The following MINDY4 variants were observed in gnomAD, a reference collection of about 807,000 sequenced individuals.
MINDY4 encodes MINDY lysine 48 deubiquitinase 4.
A neutral mutation model predicts 87.0 loss-of-function variants in MINDY4; 68 were observed. The ratio of observed to expected loss-of-function variants is 0.78; its 90% CI spans 0.64 to 0.96. MINDY4 has a LOEUF of 0.96. MINDY4 is among the 40% of genes least tolerant of loss of function. MINDY4 has a pLI of 0.00. For synonymous variants in MINDY4, 379 were observed against 363.2 expected, an observed-to-expected ratio of 1.04 and a Z score of -0.50; for missense variants, 919 against 928.2, an observed-to-expected ratio of 0.99 and a Z score of 0.13.
intron 5 of MINDY4, among the ~76,000 whole-genome samples, chr7:30,798,466 G>A (rs1322098146): frequency 1.3e-5 from 2 of 152,008 alleles, no homozygotes; most frequent in Admixed American, 6.6e-5. Flanking sequence ...TGGTCATTGG[G>A]CCATAATTTA....
chr7:30,790,464 T>A (rs77385654), intron 4 of MINDY4, among the ~76,000 whole-genome samples: 10,321 of 112,880 alleles, frequency 0.091, 487 homozygotes, highest in Middle Eastern at 0.15. Context: ...TTATTTATTT[T>A]TTTGAGATGG....
At chr7:30,797,303 C>T (rs944644738) in intron 5 of MINDY4, among the ~76,000 whole-genome samples, 3 of 152,150 alleles carry the variant, frequency 2.0e-5, no homozygotes, top group African/African-American at 7.2e-5. Context: ...AACACCAAAA[C>T]AAGGAAATAT....
Position 30,820,037 on chromosome 7 carries a change from G to A in MINDY4, c.1074-8642G>A, listed in dbSNP as rs10261459. Among the ~76,000 whole-genome samples the A allele has an allele frequency of 9.7e-3, 1,454 of 149,180 alleles. 23 individuals are homozygous for A. The highest frequency in any genetic ancestry group is 0.034 in the African/African-American group (1,377 of 40,848). ...CTGCCTCAGCCTCCCAAGTAGCTGG[G>A]ACTACAGGCGCCCGCCACTACGCCC... On this transcript the variant is annotated intron_variant, in intron 5 of 17. Coordinates refer to ENST00000265299, the MANE Select transcript of MINDY4 (RefSeq NM_032222.3).
chr7:30,771,671 C>G (rs1310761892), intron 1 of MINDY4, 115 bp downstream of exon 1: 2 of 990,812 alleles, frequency 2.0e-6, no homozygotes, highest in Admixed American at 2.6e-5. Context: ...TACCTACTGC[C>G]TGCTCCAGAG....
In MINDY4 at chr7:30,825,564, GA is replaced by G. The variant is rs374557734; in HGVS notation, c.1074-3111del. Reference sequence around the variant, plus strand: ...AGTTTCTGAGCAGGGGAAGGATGTGGAAAATAGAGGCAAGACCAAAGTAGAG... The same window carrying G: ...AGTTTCTGAGCAGGGGAAGGATGTGGAAATAGAGGCAAGACCAAAGTAGAG... On this transcript the variant is annotated intron_variant, in intron 5 of 17. Transcript: ENST00000265299. Among the ~76,000 whole-genome samples the G allele has an allele frequency of 3.1e-4, 47 of 152,342 alleles. 1 individual carries two copies. The highest frequency in any genetic ancestry group is 1.1e-3 in the African/African-American group (44 of 41,568).
At chr7:30,887,687 C>T (rs1224967735) in intron 17 of MINDY4, among the ~76,000 whole-genome samples, 1 of 152,236 alleles carries the variant, frequency 6.6e-6, no homozygotes, top group Non-Finnish European at 1.5e-5. Flanking sequence ...GTTCATGCAG[C>T]AGCACCCCCA....
intron 5 of MINDY4, among the ~76,000 whole-genome samples, chr7:30,826,937 G>T (rs1788532778): frequency 6.6e-6 from 1 of 152,184 alleles, no homozygotes; most frequent in Admixed American, 6.5e-5. Context: ...TGATGGTGAT[G>T]ATGGGGACTC....
intron 5 of MINDY4, among the ~76,000 whole-genome samples, chr7:30,798,399 AAG>A (rs944910664): frequency 6.6e-6 from 1 of 152,328 alleles, no homozygotes; most frequent in Non-Finnish European, 1.5e-5. Flanking sequence ...GAACAACTGT[AAG>A]AGGGGGGTTG....
At chr7:30,803,414 G>A (rs888952403) in intron 5 of MINDY4, 1 of 152,214 alleles carries the variant, frequency 6.6e-6, no homozygotes, top group Non-Finnish European at 1.5e-5. Flanking sequence ...TAGAAGAGCA[G>A]AATTAGTGAC....
rs753540044 is a variant in MINDY4 at position 30,786,022 on chromosome 7, G to A, written c.663+30G>A. 23 of 1,611,072 alleles carry A rather than the reference G, an allele frequency of 1.4e-5. 1 individual carries two copies. Among genetic ancestry groups the A allele is most frequent in the East Asian group, 1.3e-4 (6 of 44,832 alleles). ...GGCTGTTGCTCTTTCTGTTGTTATG[G>A]GACTGGAGGCTGAGAACTGGGCTGG... On this transcript the variant is annotated intron_variant, in intron 4 of 17. Transcript: ENST00000265299.
intron 5 of MINDY4, among the ~76,000 whole-genome samples, chr7:30,814,874 A>G (rs1255705983): frequency 6.6e-6 from 1 of 152,254 alleles, no homozygotes; most frequent in African/African-American, 2.4e-5. Context: ...GCTGTTTCGA[A>G]CATGTGGCTC....
chr7:30,883,515 G>A (rs1790535171), intron 17 of MINDY4, among the ~76,000 whole-genome samples: 1 of 152,166 alleles, frequency 6.6e-6, no homozygotes. Flanking sequence ...AGGCAGGTGG[G>A]AGCTTCAACT....
Position 30,887,787 on chromosome 7 carries a change from G to T in MINDY4, c.2226-4170G>T, listed in dbSNP as rs1037608492. 2.0e-5 allele frequency among the ~76,000 whole-genome samples: 3 copies of T among 152,338 alleles called. No homozygotes were observed. In the South Asian group the frequency reaches 6.2e-4, roughly 32 times the overall value. ...GGCCTGGGTGCTGACGGGGACCCGCGGGTGGCAGTCAGAGAACACTTCTGC... is the reference window on the plus strand; with the variant it reads ...GGCCTGGGTGCTGACGGGGACCCGCTGGTGGCAGTCAGAGAACACTTCTGC... On this transcript the variant is annotated intron_variant, in intron 17 of 17. Transcript: ENST00000265299.
At chr7:30,796,106 T>A (rs1411268535) in intron 5 of MINDY4, among the ~76,000 whole-genome samples, 1 of 143,546 alleles carries the variant, frequency 7.0e-6, no homozygotes, top group Non-Finnish European at 1.5e-5. Context: ...GGCAGCTGTT[T>A]GTTGGAGCAC....
intron 5 of MINDY4, among the ~76,000 whole-genome samples, chr7:30,792,892 A>G (rs962405731): frequency 4.6e-5 from 7 of 151,630 alleles, no homozygotes; most frequent in Non-Finnish European, 7.4e-5. Context: ...TTAATTTGCT[A>G]TTATTTTCTA....
At chr7:30,832,682 G>A (rs1208990979) in intron 6 of MINDY4, among the ~76,000 whole-genome samples, 1 of 152,088 alleles carries the variant, frequency 6.6e-6, no homozygotes, top group Non-Finnish European at 1.5e-5. Flanking sequence ...GCTAATTTTT[G>A]TATTTTTAGT....
At chr7:30,886,934 T>C (rs1262201182) in intron 17 of MINDY4, among the ~76,000 whole-genome samples, 2 of 152,190 alleles carry the variant, frequency 1.3e-5, no homozygotes, top group Admixed American at 1.3e-4. Context: ...GTGACCTCTC[T>C]CATGCTTCCA....
At chr7:30,843,491 G>A in intron 9 of MINDY4, among the ~76,000 whole-genome samples, 1 of 152,184 alleles carries the variant, frequency 6.6e-6, no homozygotes, top group East Asian at 1.9e-4. Context: ...GGGCTTCTGG[G>A]GGAACTTGTG....
intron 2 of MINDY4, 137 bp downstream of exon 2, chr7:30,778,688 C>T (rs1786904003): frequency 1.9e-6 from 2 of 1,034,600 alleles, no homozygotes; most frequent in South Asian, 1.5e-5. Flanking sequence ...GAGAAACGGA[C>T]CCCCCAAATG....
Sources: allele counts gnomAD v4.1 joint callset (sites outside exome capture counted in the v4.1 genomes callset), GRCh38; gene constraint gnomAD v4.1.1; transcripts MANE v1.5; gene names NCBI Gene and HGNC (gene_info 2026-07-23, HGNC 2026-07-21).